CCDC7: variants seen among roughly 807,000 people sequenced by gnomAD.
The protein encoded by CCDC7 is coiled-coil domain containing 7, also known as coiled-coil domain-containing protein 7.
CCDC7 carries 183 observed loss-of-function variants against 196.9 expected under a neutral mutation model. That is an observed-to-expected ratio of 0.93 (90% CI 0.82 to 1.05). The LOEUF is 1.05. Among genes scored for constraint, CCDC7 ranks in the 50% least tolerant of loss-of-function variants. The pLI, the probability that CCDC7 is intolerant of heterozygous loss-of-function variation, is 0.00. For synonymous variants in CCDC7, 525 were observed against 484.6 expected (o/e 1.08, Z -1.10); for missense variants, 1,540 against 1,482.2 (o/e 1.04, Z -0.64).
chr10:32,627,701 A>T (rs1231084902), intron 18 of CCDC7, among the ~76,000 whole-genome samples: 1 of 150,010 alleles, frequency 6.7e-6, no homozygotes, highest in African/African-American at 2.5e-5. Context: ...TAATTTGGTG[A>T]GAGTTTTTTT....
intron 31 of CCDC7, among the ~76,000 whole-genome samples, chr10:32,818,771 A>G (rs1163062786): frequency 3.3e-5 from 5 of 152,214 alleles, no homozygotes; most frequent in Non-Finnish European, 5.9e-5. Context: ...ACCAATGAGA[A>G]CAAAGACACA....
At chr10:32,858,757 C>T (rs940370866) in intron 41 of CCDC7, among the ~76,000 whole-genome samples, 4 of 151,566 alleles carry the variant, frequency 2.6e-5, no homozygotes, top group Non-Finnish European at 5.9e-5. Flanking sequence ...CAAAAAAAAA[C>T]CAGGGATTGC....
At chr10:32,531,628 G>C (rs1408854212) in intron 11 of CCDC7, among the ~76,000 whole-genome samples, 1 of 152,082 alleles carries the variant, frequency 6.6e-6, no homozygotes, top group East Asian at 1.9e-4. Context: ...GAGTAGGATT[G>C]GTATTAGATC....
chr10:32,490,093 G>A (rs1373115559), intron 8 of CCDC7, among the ~76,000 whole-genome samples: 1 of 152,126 alleles, frequency 6.6e-6, no homozygotes, highest in Non-Finnish European at 1.5e-5. Context: ...GATAGTTCCT[G>A]CACTCTTCCT....
At chr10:32,741,763 G>T (rs924861591) in intron 28 of CCDC7, among the ~76,000 whole-genome samples, 2 of 152,066 alleles carry the variant, frequency 1.3e-5, no homozygotes, top group African/African-American at 4.8e-5. Flanking sequence ...ATTATTGAAA[G>T]AATATGTTCA....
chr10:32,790,174 C>G (rs2082469057), intron 29 of CCDC7, among the ~76,000 whole-genome samples: 1 of 152,168 alleles, frequency 6.6e-6, no homozygotes, highest in African/African-American at 2.4e-5. Flanking sequence ...AGCCCCACTC[C>G]CAAGGCTCCA....
intron 25 of CCDC7, among the ~76,000 whole-genome samples, chr10:32,714,270 G>T (rs1204322368): frequency 6.6e-6 from 1 of 152,180 alleles, no homozygotes; most frequent in East Asian, 1.9e-4. Context: ...GCAGGGTGGG[G>T]CATTGCCTCA....
At chr10:32,464,920 A>G (rs1480766163) in intron 5 of CCDC7, among the ~76,000 whole-genome samples, 4 of 152,036 alleles carry the variant, frequency 2.6e-5, no homozygotes, top group Admixed American at 1.3e-4. Flanking sequence ...CTCTTATTTG[A>G]TCCACATTCC....
At chr10:32,574,317 A>G (rs1395550523) in intron 16 of CCDC7, 29 of 521,320 alleles carry the variant, frequency 5.6e-5, no homozygotes, top group Non-Finnish European at 7.7e-5. Context: ...ATATTATATA[A>G]TAATATAATA....
At chr10:32,739,434 A>G (rs1478061711) in intron 28 of CCDC7, among the ~76,000 whole-genome samples, 1 of 151,796 alleles carries the variant, frequency 6.6e-6, no homozygotes, top group African/African-American at 2.4e-5. Flanking sequence ...GGCATTCTTA[A>G]TTTCTGTTAC....
At chr10:32,631,823 A>G (rs1025977236) in intron 18 of CCDC7, among the ~76,000 whole-genome samples, 1 of 152,056 alleles carries the variant, frequency 6.6e-6, no homozygotes, top group South Asian at 2.1e-4. Context: ...ATTACTTTCA[A>G]TGATTCTTTG....
chr10:32,447,237 C>T (rs1424867220), upstream of CCDC7, among the ~76,000 whole-genome samples: 2 of 152,122 alleles, frequency 1.3e-5, no homozygotes, highest in Non-Finnish European at 2.9e-5. Context: ...AATGACCTAC[C>T]TCCATGTTGC....
chr10:32,755,026 G>A (rs557406022), intron 28 of CCDC7, among the ~76,000 whole-genome samples: 49 of 152,242 alleles, frequency 3.2e-4, no homozygotes, highest in African/African-American at 1.1e-3. Context: ...CTGCTAGCAC[G>A]GCAGTCTGAG....
chr10:32,576,838 T>C (rs1231051355), intron 16 of CCDC7, among the ~76,000 whole-genome samples: 2 of 152,042 alleles, frequency 1.3e-5, no homozygotes, highest in Non-Finnish European at 2.9e-5. Flanking sequence ...TTGAATAAAT[T>C]CCTTATTGGC....
At chr10:32,515,884 G>T (rs1045213192) in intron 9 of CCDC7, among the ~76,000 whole-genome samples, 1 of 152,072 alleles carries the variant, frequency 6.6e-6, no homozygotes, top group African/African-American at 2.4e-5. Flanking sequence ...AATTATCAAA[G>T]AACTAAATTT....
At chr10:32,582,267 C>G (rs745497320) in intron 16 of CCDC7, among the ~76,000 whole-genome samples, 3 of 151,310 alleles carry the variant, frequency 2.0e-5, no homozygotes, top group Non-Finnish European at 4.4e-5. Flanking sequence ...AAAAATTTTT[C>G]TTCTGTGAGA....
intron 30 of CCDC7, among the ~76,000 whole-genome samples, chr10:32,814,089 C>G (rs1313497596): frequency 1.3e-5 from 2 of 152,172 alleles, no homozygotes; most frequent in African/African-American, 4.8e-5. Context: ...TCCCAAGTAG[C>G]TGGGACTACA....
chr10:32,663,691 A>G (rs1428929639), intron 20 of CCDC7, among the ~76,000 whole-genome samples: 2 of 152,062 alleles, frequency 1.3e-5, no homozygotes, highest in Non-Finnish European at 2.9e-5. Flanking sequence ...ATGCTTGTAC[A>G]TTTAAGTGAT....
At chr10:32,721,126 A>C (rs533682767) in intron 25 of CCDC7, among the ~76,000 whole-genome samples, 25 of 152,224 alleles carry the variant, frequency 1.6e-4, no homozygotes, top group Middle Eastern at 3.4e-3. Flanking sequence ...TATACTGTGA[A>C]CTAATATGTA....
Sources: allele counts gnomAD v4.1 joint callset (sites outside exome capture counted in the v4.1 genomes callset), GRCh38; gene constraint gnomAD v4.1.1; transcripts MANE v1.5; gene names NCBI Gene and HGNC (gene_info 2026-07-23, HGNC 2026-07-21).